Variants in ATAD5 observed in about 807,000 individuals in gnomAD.
ATAD5 encodes ATPase family AAA domain containing 5, also known as ATPase family AAA domain-containing protein 5.
In ATAD5, 58 loss-of-function variants were observed where a neutral mutation model predicts 176.9. That is an observed-to-expected ratio of 0.33 (90% CI 0.27 to 0.41). The LOEUF (loss-of-function observed/expected upper bound fraction) is 0.41, where lower values mean the gene tolerates loss of function less well. ATAD5 is among the 10% of genes least tolerant of loss of function. The probability of loss-of-function intolerance (pLI) is 1.00; values close to 1 mark genes in which losing one functional copy is unlikely to be tolerated. For synonymous variants in ATAD5, 640 were observed against 712.6 expected, an observed-to-expected ratio of 0.90 and a Z score of 1.62; for missense variants, 1,789 against 2,094.1, an observed-to-expected ratio of 0.85 and a Z score of 2.84.
intron 19 of ATAD5, among the ~76,000 whole-genome samples, chr17:30,889,867 T>TTTTTC (rs950963433): frequency 1.3e-5 from 2 of 150,776 alleles, no homozygotes; most frequent in Admixed American, 6.6e-5. Context: ...TTCTTTTTCT[T>TTTTTC]TTTTCTTTTC....
In ATAD5 at chr17:30,863,356, C is replaced by T. The variant is rs970224700; in HGVS notation, c.3137-2348C>T. ...GATTACAGGAGCCCACCACCATGCT[C>T]GGCTACTTTATGTATTTTTTTTTTT... On this transcript the variant is annotated intron_variant, in intron 10 of 22. Coordinates refer to ENST00000321990, the MANE Select transcript of ATAD5 (RefSeq NM_024857.5). Among the ~76,000 whole-genome samples, 24 of 148,220 alleles carry T rather than the reference C, an allele frequency of 1.6e-4. 1 individual carries two copies. Among genetic ancestry groups the T allele is most frequent in the Non-Finnish European group, 2.5e-4 (17 of 67,232 alleles).
chr17:30,887,396 A>C (rs1909380974), intron 19 of ATAD5, 24 bp downstream of exon 19: 1 of 1,567,368 alleles, frequency 6.4e-7, no homozygotes, highest in African/African-American at 1.4e-5. Flanking sequence ...TTATTAAAGA[A>C]ATTTCTATTA....
Position 30,843,938 on chromosome 17 carries a change from G to T in ATAD5, c.2267G>T (p.Ser756Ile), listed in dbSNP as rs750669998. 13 of 1,457,448 alleles carry T rather than the reference G, an allele frequency of 8.9e-6. No homozygotes were observed. The African/African-American group carries it at 1.9e-4, about 21-fold the overall frequency. The allele number at this position is 1,457,448 out of a possible 1,614,324, so 90.3% of individuals were successfully genotyped here. Residue 756 changes from serine (S) to isoleucine (I), a missense_variant, in exon 5 of 23, where the codon AGT (serine) becomes ATT (isoleucine). Ser to Ile is a moderately radical substitution (Grantham distance 142). Transcript: ENST00000321990. Reference sequence around the variant, plus strand: ...GATTCTGTTATAATAATAGATTCAAGTCCTACTGCTTTAAAGCATCCAGAG... The same window carrying T: ...GATTCTGTTATAATAATAGATTCAATTCCTACTGCTTTAAAGCATCCAGAG... ...TEDSVIIIDSSPTALKHPEKN... is the reference protein window; with the variant it reads ...TEDSVIIIDSIPTALKHPEKN...
chr17:30,856,219 TCTG>T (rs1907286124), intron 7 of ATAD5, among the ~76,000 whole-genome samples: 1 of 152,218 alleles, frequency 6.6e-6, no homozygotes, highest in African/African-American at 2.4e-5. Context: ...TGTCTGGAAT[TCTG>T]CTGAGCAATT....
intron 19 of ATAD5, among the ~76,000 whole-genome samples, chr17:30,888,474 AT>A (rs1909438517): frequency 6.6e-6 from 1 of 151,852 alleles, no homozygotes; most frequent in Non-Finnish European, 1.5e-5. Context: ...AATCTGGGAG[AT>A]CGAGGCTGCA....
intron 18 of ATAD5, among the ~76,000 whole-genome samples, chr17:30,885,673 G>A (rs1489638654): frequency 3.3e-5 from 4 of 122,366 alleles, no homozygotes; most frequent in Admixed American, 1.1e-4. Context: ...CGCTCTTGTC[G>A]CCCAGGCTGG....
chr17:30,835,146 A>G lies in ATAD5; in HGVS notation c.1065A>G (p.Leu355=), dbSNP rs762513598. 2.5e-6 allele frequency: 4 copies of G among 1,614,162 alleles called. No individual in the cohort carries two copies. Among genetic ancestry groups the G allele is most frequent in the African/African-American group, 2.7e-5 (2 of 75,062 alleles). The part of the protein sequence containing the change: ...KQKQFEMENS[L]SDPENEQTVQ... ...AGCAATTTGAAATGGAAAATAGTTT[A>G]TCTGATCCTGAGAATGAACAGACAG... Residue 355 remains leucine (L), a synonymous_variant, in exon 2 of 23, where the codon TTA becomes TTG. Coordinates refer to ENST00000321990, the MANE Select transcript of ATAD5 (RefSeq NM_024857.5).
chr17:30,869,087 A>G (rs951059648), intron 12 of ATAD5, among the ~76,000 whole-genome samples, 161 bp from the exon 13 acceptor site: 6 of 151,988 alleles, frequency 3.9e-5, no homozygotes, highest in African/African-American at 1.4e-4. Flanking sequence ...CAGCTTCCCA[A>G]AGTGCTGGGA....
intron 9 of ATAD5, among the ~76,000 whole-genome samples, chr17:30,860,048 G>C (rs59910739): frequency 0.098 from 14,519 of 147,598 alleles, 804 homozygotes; most frequent in South Asian, 0.23. Context: ...TTAAGAGACA[G>C]GGTCTCACTT....
chr17:30,849,563 A>G (rs1906741843), intron 6 of ATAD5, among the ~76,000 whole-genome samples: 1 of 152,204 alleles, frequency 6.6e-6, no homozygotes, highest in Non-Finnish European at 1.5e-5. Flanking sequence ...CTGATGGTGA[A>G]CATCTTGTGA....
chr17:30,893,787 G>A lies in ATAD5; in HGVS notation c.4934G>A (p.Cys1645Tyr). Residue 1645 changes from cysteine (C) to tyrosine (Y), a missense_variant, in exon 21 of 23, where the codon TGT becomes TAT. Around this residue, in one of 6 missense-constraint regions of ATAD5, gnomAD observed 403 missense variants for 495.1 expected, o/e 0.81. Coordinates refer to ENST00000321990, the MANE Select transcript of ATAD5 (RefSeq NM_024857.5). ...GKKCSALVSH[C>Y]LNSLSEFMDN... Reference sequence around the variant, plus strand: ...AAATGTTCTGCCCTTGTTTCTCATTGTTTAAATTCTCTCTCTGAGTTCATG... The same window carrying A: ...AAATGTTCTGCCCTTGTTTCTCATTATTTAAATTCTCTCTCTGAGTTCATG... 1 of 1,614,028 alleles carries A rather than the reference G, an allele frequency of 6.2e-7. No individual in the cohort carries two copies. The highest frequency in any genetic ancestry group is 8.5e-7 in the Non-Finnish European group (1 of 1,179,942).
chr17:30,868,539 G>A, intron 12 of ATAD5, 127 bp downstream of exon 12: 1 of 571,692 alleles, frequency 1.7e-6, no homozygotes, highest in Non-Finnish European at 2.5e-6. Context: ...ACAGAGTCTT[G>A]CTCTGTTTCC....
chr17:30,884,701 T>A (rs969530356), intron 18 of ATAD5, among the ~76,000 whole-genome samples: 11 of 151,380 alleles, frequency 7.3e-5, no homozygotes, highest in African/African-American at 2.7e-4. Flanking sequence ...AATGCTGGGA[T>A]TACAGACGTG....
Position 30,834,315 on chromosome 17 carries a change from A to G in ATAD5, c.234A>G (p.Leu78=), listed in dbSNP as rs1905565259. ...CACCCACAAATGAGAAGACACAATT[A>G]GGGAAAGAGTGCAAGATAAAGTCAC... ...KTSPTNEKTQ[L]GKECKIKSPE... The change falls in exon 2 of 23, where the codon TTA becomes TTG. Residue 78 remains leucine, a synonymous_variant. Transcript: ENST00000321990. 9.9e-6 allele frequency: 16 copies of G among 1,613,390 alleles called. No homozygotes were observed. The East Asian group carries it at 3.6e-4, about 36-fold the overall frequency.
intron 16 of ATAD5, 79 bp downstream of exon 16, chr17:30,877,628 A>G: frequency 1.4e-6 from 2 of 1,433,708 alleles, no homozygotes; most frequent in South Asian, 2.6e-5. Context: ...TTTCTTATAA[A>G]GAATTGTAAA....
At position 30,855,208 on chromosome 17, in the gene ATAD5, T is replaced by C. The variant is rs902893200; in HGVS notation, c.2516T>C (p.Met839Thr). 5.6e-6 allele frequency: 9 copies of C among 1,613,994 alleles called. No homozygotes were observed. Among genetic ancestry groups the C allele is most frequent in the Non-Finnish European group, 6.8e-6 (8 of 1,180,012 alleles). The change falls in exon 7 of 23, where the codon ATG (methionine) becomes ACG (threonine). Residue 839 changes from methionine (M) to threonine (T), a missense_variant. Physicochemically the swap from Met to Thr is moderately conservative, Grantham distance 81. Transcript: ENST00000321990. Reference sequence around the variant, plus strand: ...TGTAAAGCAAAGCGTGACTTCCTAATGAGTGGTTTGCCAGATTTGTTGAAA... The same window carrying C: ...TGTAAAGCAAAGCGTGACTTCCTAACGAGTGGTTTGCCAGATTTGTTGAAA... The part of the protein sequence containing the change: ...VQCKAKRDFL[M>T]SGLPDLLKRQ...
At chr17:30,882,556 C>T (rs1335281273) in intron 18 of ATAD5, among the ~76,000 whole-genome samples, 1 of 152,084 alleles carries the variant, frequency 6.6e-6, no homozygotes, top group Non-Finnish European at 1.5e-5. Flanking sequence ...TGCCACAGCA[C>T]TCCAGCTTGG....
At chr17:30,858,077 T>C in intron 8 of ATAD5, 84 bp from the exon 9 acceptor site, 1 of 1,221,432 alleles carries the variant, frequency 8.2e-7, no homozygotes, top group Non-Finnish European at 1.1e-6. Flanking sequence ...TGATTTATGA[T>C]GGACAGAAAG....
chr17:30,868,304 A>C (rs1205180445), intron 11 of ATAD5, 29 bp from the exon 12 acceptor site: 1 of 1,526,332 alleles, frequency 6.6e-7, no homozygotes, highest in South Asian at 1.3e-5. Flanking sequence ...TATTCTGTGA[A>C]TTATTTTTAT....
Sources: gnomAD v4.1 joint callset for allele counts (sites outside exome capture counted in the v4.1 genomes callset) on GRCh38, gnomAD v4.1.1 for gene constraint, gnomAD v4.1.1 regional missense constraint, MANE v1.5 for transcripts, NCBI Gene and HGNC (gene_info 2026-07-23, HGNC 2026-07-21) for gene names.